The following BRAF variants were observed in gnomAD, a reference collection of about 807,000 sequenced individuals.
BRAF encodes serine/threonine-protein kinase B-raf.
A neutral mutation model predicts 104.6 loss-of-function variants in BRAF; 16 were observed. The observed-to-expected ratio is 0.15, with a 90% CI of 0.10 to 0.23. BRAF has a LOEUF of 0.23. Ranked by LOEUF, BRAF falls within the 10% of genes least tolerant of loss-of-function variation. The pLI, the probability that BRAF is intolerant of heterozygous loss-of-function variation, is 1.00. For synonymous variants in BRAF, 310 were observed against 341.6 expected (o/e 0.91, Z 1.02); for missense variants, 541 against 937.3 (o/e 0.58, Z 5.52).
chr7:140,912,468 T>A (rs549755984), intron 1 of BRAF, among the ~76,000 whole-genome samples: 6 of 152,330 alleles, frequency 3.9e-5, no homozygotes, highest in Non-Finnish European at 7.4e-5. Flanking sequence ...TTACCTCTTC[T>A]AAGACAGTGC....
At chr7:140,919,049 G>A (rs572200416) in intron 1 of BRAF, among the ~76,000 whole-genome samples, 1 of 150,954 alleles carries the variant, frequency 6.6e-6, no homozygotes, top group African/African-American at 2.4e-5. Context: ...TGAGGCAGGA[G>A]AAAGGCAGAA....
intron 1 of BRAF, among the ~76,000 whole-genome samples, chr7:140,859,657 C>T (rs1403917587): frequency 1.3e-5 from 2 of 151,698 alleles, no homozygotes; most frequent in African/African-American, 2.4e-5. Context: ...TAATTTTTCC[C>T]CCATGGAACT....
chr7:140,806,408 A>T (rs1004063352), intron 5 of BRAF, among the ~76,000 whole-genome samples: 3 of 152,186 alleles, frequency 2.0e-5, no homozygotes, highest in African/African-American at 7.2e-5. Context: ...AAGATATGGT[A>T]TTGGCAAATG....
At position 140,874,321 on chromosome 7, in the gene BRAF, C is replaced by T. The variant is rs1270980404; in HGVS notation, c.139-24109G>A. Among the ~76,000 whole-genome samples, 9 of 151,568 alleles carry T rather than the reference C, an allele frequency of 5.9e-5. No individual in the cohort carries two copies. In the East Asian group the frequency reaches 1.7e-3, roughly 29 times the overall value. On this transcript the variant is annotated intron_variant, in intron 1 of 19. Coordinates refer to ENST00000644969, the MANE Select transcript of BRAF (RefSeq NM_001374258.1). ...GATTCAAGCAATTCTCCTGCCTCAG[C>T]CTCCCGGGTAGCTGGGATTACAGGC...
intron 1 of BRAF, among the ~76,000 whole-genome samples, chr7:140,864,639 A>C (rs2129086325): frequency 6.6e-6 from 1 of 152,342 alleles, no homozygotes; most frequent in Non-Finnish European, 1.5e-5. Context: ...TAGAAGGAAA[A>C]AATATTCAGT....
At chr7:140,787,712 T>C (rs1801535678) in intron 8 of BRAF, 128 bp from the exon 9 acceptor site, 1 of 793,944 alleles carries the variant, frequency 1.3e-6, no homozygotes, top group Non-Finnish European at 2.0e-6. Context: ...CTTATAACTA[T>C]TACACAAAAC....
intron 1 of BRAF, among the ~76,000 whole-genome samples, chr7:140,876,412 A>T (rs984083785): frequency 6.6e-6 from 1 of 152,222 alleles, no homozygotes; most frequent in Admixed American, 6.5e-5. Context: ...AGAGTAATGG[A>T]AAACAGAAGC....
rs569165798 is a variant in BRAF, at chr7:140,792,154, C to A, written c.1140+2154G>T. Among the ~76,000 whole-genome samples, 16 of 152,048 alleles carry A rather than the reference C, an allele frequency of 1.1e-4. No homozygotes were observed. In the South Asian group the frequency reaches 1.5e-3, roughly 14 times the overall value. On this transcript the variant is annotated intron_variant, in intron 8 of 19. Coordinates refer to ENST00000644969, the MANE Select transcript of BRAF (RefSeq NM_001374258.1). ...ATTCACTAATTCATAGTCTCCCTCC[C>A]CAAAACACACTCTTTCTCAGCACCA...
rs2128998133 is a variant in BRAF, at chr7:140,753,289, A to T, written c.1966T>A (p.Ser656Thr). Residue 656 changes from serine to threonine, a missense_variant, in exon 16 of 20, where the codon TCC (serine) becomes ACC (threonine). By Grantham distance (58) the Ser-to-Thr change is moderately conservative. This residue lies in a region of BRAF where 129 missense variants were observed against 285.8 expected (regional missense o/e 0.45). Transcript: ENST00000644969. ...TCAATTCTTACCATCCACAAAATGG[A>T]TCCAGACAACTGTTCAAACTGATGG... The part of the protein sequence containing the change: ...GSHQFEQLSG[S>T]ILWMAPEVIR... 6.2e-7 allele frequency: 1 copy of T among 1,610,246 alleles called. No individual in the cohort carries two copies. The highest frequency in any genetic ancestry group is 8.5e-7 in the Non-Finnish European group (1 of 1,176,922).
chr7:140,807,129 G>C (rs760262973), intron 5 of BRAF, among the ~76,000 whole-genome samples: 2 of 152,062 alleles, frequency 1.3e-5, no homozygotes. Flanking sequence ...CCCACATTCC[G>C]GGCCTTATGC....
At chr7:140,713,553 T>A in the BRAF span, among the ~76,000 whole-genome samples, 2 of 152,206 alleles carry the variant, frequency 1.3e-5, no homozygotes, top group Non-Finnish European at 2.9e-5. Context: ...GCCATTGATT[T>A]GAATTTCCTC....
intron 8 of BRAF, among the ~76,000 whole-genome samples, chr7:140,793,078 T>C (rs1802144372): frequency 6.6e-6 from 1 of 151,984 alleles, no homozygotes; most frequent in Non-Finnish European, 1.5e-5. Flanking sequence ...CAGTTTGAGA[T>C]GCACATGAAA....
At chr7:140,886,810 T>G (rs1813617621) in intron 1 of BRAF, among the ~76,000 whole-genome samples, 1 of 152,240 alleles carries the variant, frequency 6.6e-6, no homozygotes, top group African/African-American at 2.4e-5. Context: ...AATGAACATC[T>G]GATTGCAGAG....
chr7:140,899,003 A>T (rs1227916466), intron 1 of BRAF, among the ~76,000 whole-genome samples: 1 of 152,194 alleles, frequency 6.6e-6, no homozygotes, highest in African/African-American at 2.4e-5. Flanking sequence ...TTTTTGTTCC[A>T]TAAGTAAACA....
chr7:140,800,984 T>C (rs1680214833), intron 6 of BRAF: 1 of 205,500 alleles, frequency 4.9e-6, no homozygotes, highest in African/African-American at 2.4e-5. Context: ...CTTACTCAAA[T>C]AAATTGGGGG....
intron 3 of BRAF, among the ~76,000 whole-genome samples, chr7:140,809,643 A>G (rs1268821062): frequency 6.6e-6 from 1 of 152,166 alleles, no homozygotes; most frequent in Non-Finnish European, 1.5e-5. Flanking sequence ...GGCTATATAT[A>G]TGACCCAAAC....
Position 140,720,971 on chromosome 7 carries a change from C to G in BRAF, c.*5523G>C, listed in dbSNP as rs1241115062. On this transcript the variant is annotated 3_prime_UTR_variant, in exon 20 of 20. Coordinates refer to ENST00000644969, the MANE Select transcript of BRAF (RefSeq NM_001374258.1). ...CGGTCACGGTGCTGGAGAATGAACT[C>G]GGCTGGCCGGGAGAAGCAGATGGTT... The G allele has an allele frequency of 9.4e-7, 1 of 1,064,730 alleles. No individual in the cohort carries two copies. 66.0% of individuals were successfully genotyped at this position (1,064,730 alleles called of 1,614,324 possible).
At chr7:140,766,067 T>G (rs1206809017) in intron 14 of BRAF, among the ~76,000 whole-genome samples, 1 of 151,934 alleles carries the variant, frequency 6.6e-6, no homozygotes, top group African/African-American at 2.4e-5. Context: ...CCAACAATGA[T>G]AGACTGGATT....
intron 9 of BRAF, among the ~76,000 whole-genome samples, chr7:140,787,298 C>T (rs962652672): frequency 1.3e-4 from 12 of 91,328 alleles, no homozygotes; most frequent in African/African-American, 6.0e-4. Context: ...GAGACTCCGT[C>T]TCAAAAAAAA....
Sources: gnomAD v4.1 joint callset for allele counts (sites outside exome capture counted in the v4.1 genomes callset) on GRCh38, gnomAD v4.1.1 for gene constraint, gnomAD v4.1.1 regional missense constraint, MANE v1.5 for transcripts, NCBI Gene and HGNC (gene_info 2026-07-23, HGNC 2026-07-21) for gene names.